The following SLC2A13 variants were observed in gnomAD, a reference collection of about 807,000 sequenced individuals.
SLC2A13 encodes the protein solute carrier family 2 member 13, also known as proton myo-inositol cotransporter.
Under a neutral mutation model 64.4 loss-of-function variants are expected in SLC2A13, and 32 were observed. The observed-to-expected ratio is 0.50, with a 90% CI of 0.37 to 0.67. The LOEUF is 0.67. Ranked by LOEUF, SLC2A13 falls within the 30% of genes least tolerant of loss-of-function variation. The pLI, the probability that SLC2A13 is intolerant of heterozygous loss-of-function variation, is 0.00. For missense variants in SLC2A13, 743 were observed against 829.2 expected (o/e 0.90, Z 1.28); for synonymous variants, 338 against 327.1 (o/e 1.03, Z -0.36).
chr12:40,041,166 G>T (rs149778247), intron 2 of SLC2A13, among the ~76,000 whole-genome samples: 10 of 152,070 alleles, frequency 6.6e-5, no homozygotes, highest in Non-Finnish European at 1.5e-4. Context: ...TGGCCAGGCT[G>T]GTCTTTTTTG....
chr12:40,088,603 T>C (rs1013652992), intron 1 of SLC2A13, among the ~76,000 whole-genome samples: 5 of 152,174 alleles, frequency 3.3e-5, no homozygotes, highest in African/African-American at 4.8e-5. Flanking sequence ...GCTGTGTTAA[T>C]ACAGCAAGCA....
intron 3 of SLC2A13, among the ~76,000 whole-genome samples, chr12:39,991,759 T>A (rs1466231725): frequency 6.6e-6 from 1 of 152,084 alleles, no homozygotes; most frequent in East Asian, 1.9e-4. Context: ...ATATTCTTTG[T>A]TTGAAAGTAT....
At chr12:40,093,622 C>T (rs1444123654) in intron 1 of SLC2A13, among the ~76,000 whole-genome samples, 1 of 152,112 alleles carries the variant, frequency 6.6e-6, no homozygotes, top group Admixed American at 6.5e-5. Context: ...AGGAAGACCC[C>T]GCTAAGAAGA....
At chr12:39,968,903 C>T (rs1360493063) in intron 3 of SLC2A13, among the ~76,000 whole-genome samples, 1 of 151,644 alleles carries the variant, frequency 6.6e-6, no homozygotes, top group Non-Finnish European at 1.5e-5. Flanking sequence ...CACCCATTAA[C>T]TCGTCATTTA....
chr12:40,080,625 C>T (rs1364299449), intron 1 of SLC2A13, among the ~76,000 whole-genome samples: 1 of 152,184 alleles, frequency 6.6e-6, no homozygotes, highest in African/African-American at 2.4e-5. Context: ...CTCCTGACCT[C>T]AGGTGATCCA....
intron 3 of SLC2A13, among the ~76,000 whole-genome samples, chr12:39,954,140 C>A (rs1356586158): frequency 6.6e-6 from 1 of 152,160 alleles, no homozygotes; most frequent in East Asian, 1.9e-4. Context: ...GGCAATGAAG[C>A]AAAGTGATAC....
At chr12:39,942,459 A>AT (rs1301760365) in intron 4 of SLC2A13, among the ~76,000 whole-genome samples, 1 of 151,782 alleles carries the variant, frequency 6.6e-6, no homozygotes, top group African/African-American at 2.4e-5. Flanking sequence ...AGTATTTTAT[A>AT]TTTTTTTGCA....
intron 3 of SLC2A13, among the ~76,000 whole-genome samples, chr12:40,027,375 C>A (rs1036619118): frequency 6.6e-6 from 1 of 152,142 alleles, no homozygotes; most frequent in African/African-American, 2.4e-5. Flanking sequence ...TTGATCTCAG[C>A]AACAAAGTGA....
intron 3 of SLC2A13, among the ~76,000 whole-genome samples, chr12:40,025,246 T>C (rs1592017558): frequency 6.6e-6 from 1 of 152,242 alleles, no homozygotes; most frequent in African/African-American, 2.4e-5. Context: ...GCTGCTGACA[T>C]GGCCAGAGCA....
chr12:39,892,274 C>T (rs568468012), intron 4 of SLC2A13, among the ~76,000 whole-genome samples: 1 of 152,316 alleles, frequency 6.6e-6, no homozygotes, highest in South Asian at 2.1e-4. Context: ...GCTGGCAAGG[C>T]CACCTTTCCT....
intron 4 of SLC2A13, among the ~76,000 whole-genome samples, chr12:39,884,734 G>A (rs1203224326): frequency 1.3e-5 from 2 of 152,186 alleles, no homozygotes; most frequent in African/African-American, 4.8e-5. Flanking sequence ...GGAACATGAA[G>A]GCAGCGATGA....
In SLC2A13 at chr12:40,028,424, G is replaced by C; in HGVS notation, c.802C>G (p.Gln268Glu). 1.2e-6 allele frequency: 2 copies of C among 1,613,850 alleles called. No homozygotes were observed. Among genetic ancestry groups the C allele is most frequent in the Non-Finnish European group, 1.7e-6 (2 of 1,179,972 alleles). Residue 268 changes from glutamine (Q) to glutamate (E), a missense_variant, in exon 3 of 10, where the codon CAG (glutamine) becomes GAG (glutamate). Physicochemically the swap from Gln to Glu is conservative, Grantham distance 29. Around this residue, in one of 2 missense-constraint regions of SLC2A13, gnomAD observed 448 missense variants for 447.4 expected, o/e 1.00. Coordinates refer to ENST00000280871, the MANE Select transcript of SLC2A13 (RefSeq NM_052885.4). The part of the protein sequence containing the change: ...FLPESPRWLI[Q>E]KGQTQKARRI... Reference sequence around the variant, plus strand: ...CGGGCCTTCTGAGTCTGTCCTTTCTGAATAAGCCATCGAGGGCTTTCAGGC... The same window carrying C: ...CGGGCCTTCTGAGTCTGTCCTTTCTCAATAAGCCATCGAGGGCTTTCAGGC...
At chr12:40,020,070 T>C (rs1947687123) in intron 3 of SLC2A13, among the ~76,000 whole-genome samples, 1 of 152,090 alleles carries the variant, frequency 6.6e-6, no homozygotes, top group Non-Finnish European at 1.5e-5. Flanking sequence ...GAGGAGAAAA[T>C]TAATGGCATT....
intron 3 of SLC2A13, among the ~76,000 whole-genome samples, chr12:39,958,419 A>C (rs1946354379): frequency 6.6e-6 from 1 of 152,196 alleles, no homozygotes; most frequent in Non-Finnish European, 1.5e-5. Flanking sequence ...AAATGGATTT[A>C]AGAGTAGTAC....
intron 2 of SLC2A13, among the ~76,000 whole-genome samples, chr12:40,045,920 C>T (rs1169617069): frequency 6.6e-6 from 1 of 152,124 alleles, no homozygotes; most frequent in Non-Finnish European, 1.5e-5. Context: ...TTCTGCCCTA[C>T]CATCTTGAAG....
intron 4 of SLC2A13, among the ~76,000 whole-genome samples, chr12:39,895,647 TACGTACACAC>T (rs758129261): frequency 5.5e-4 from 45 of 82,532 alleles, no homozygotes; most frequent in African/African-American, 1.1e-3. Flanking sequence ...TATGCGTGTA[TACGTACACAC>T]ATATGTATAT....
At chr12:40,104,040 T>C (rs186731710) in intron 1 of SLC2A13, among the ~76,000 whole-genome samples, 101 of 152,290 alleles carry the variant, frequency 6.6e-4, no homozygotes, top group East Asian at 4.2e-3. Flanking sequence ...GTTGAATATA[T>C]GGCCTTTGCT....
At chr12:39,960,851 G>A (rs1172745446) in intron 3 of SLC2A13, among the ~76,000 whole-genome samples, 4 of 138,338 alleles carry the variant, frequency 2.9e-5, no homozygotes, top group African/African-American at 8.0e-5. Flanking sequence ...AGGTGCAACC[G>A]ATTCTCCTTT....
intron 3 of SLC2A13, among the ~76,000 whole-genome samples, chr12:39,999,620 A>C (rs982429904): frequency 6.6e-6 from 1 of 152,192 alleles, no homozygotes; most frequent in Non-Finnish European, 1.5e-5. Context: ...TTGTTTGTTT[A>C]TCAAGACAAT....
Sources: allele counts gnomAD v4.1 joint callset (sites outside exome capture counted in the v4.1 genomes callset), GRCh38; gene constraint gnomAD v4.1.1; regional missense constraint gnomAD v4.1.1; transcripts MANE v1.5; gene names NCBI Gene and HGNC (gene_info 2026-07-23, HGNC 2026-07-21).